Variants in SLIT3 observed in about 807,000 individuals in gnomAD.
SLIT3 encodes the protein slit guidance ligand 3.
SLIT3 carries 68 observed loss-of-function variants against 184.0 expected under a neutral mutation model. The ratio of observed to expected loss-of-function variants is 0.37; its 90% CI spans 0.30 to 0.45. SLIT3 has a LOEUF of 0.45. SLIT3 is among the 20% of genes least tolerant of loss of function. SLIT3 has a pLI of 1.00. For synonymous variants in SLIT3, 831 were observed against 828.6 expected, an observed-to-expected ratio of 1.00 and a Z score of -0.05; for missense variants, 1,707 against 2,026.0, an observed-to-expected ratio of 0.84 and a Z score of 3.02.
At chr5:169,185,244 G>A (rs79646008) in intron 4 of SLIT3, among the ~76,000 whole-genome samples, 1,711 of 152,302 alleles carry the variant, frequency 0.011, 42 homozygotes, top group East Asian at 0.1. Context: ...TCAGCGTTTG[G>A]GGGAACAAGG....
At chr5:168,981,661 T>TA (rs1334802372) in intron 4 of SLIT3, among the ~76,000 whole-genome samples, 1 of 152,190 alleles carries the variant, frequency 6.6e-6, no homozygotes, top group African/African-American at 2.4e-5. Flanking sequence ...CCCTTTACTA[T>TA]AATAACCATA....
At chr5:168,977,115 CATAAGAAATGAA>C (rs1482795566) in intron 4 of SLIT3, among the ~76,000 whole-genome samples, 1 of 152,108 alleles carries the variant, frequency 6.6e-6, no homozygotes, top group Non-Finnish European at 1.5e-5. Flanking sequence ...CTGGGAGATT[CATAAGAAATGAA>C]ATAACCTCAA....
At chr5:168,940,779 G>A (rs1762306363) in intron 4 of SLIT3, among the ~76,000 whole-genome samples, 3 of 152,298 alleles carry the variant, frequency 2.0e-5, no homozygotes, top group South Asian at 2.1e-4. Context: ...GTCATGAGAT[G>A]TATACCCTGA....
chr5:168,879,724 A>G (rs1759880217), intron 5 of SLIT3, among the ~76,000 whole-genome samples: 2 of 152,216 alleles, frequency 1.3e-5, no homozygotes, highest in African/African-American at 4.8e-5. Context: ...TTCCTCACAC[A>G]GAGAAGATGC....
intron 5 of SLIT3, among the ~76,000 whole-genome samples, chr5:168,845,537 ATG>A (rs1758429353): frequency 6.6e-6 from 1 of 152,174 alleles, no homozygotes; most frequent in East Asian, 1.9e-4. Context: ...CATGAAAATA[ATG>A]TCTCTTAAAA....
chr5:168,704,806 G>C (rs999322390), intron 26 of SLIT3, among the ~76,000 whole-genome samples: 1 of 152,176 alleles, frequency 6.6e-6, no homozygotes, highest in Non-Finnish European at 1.5e-5. Context: ...AGAGGTAAAT[G>C]CCTGAACTTT....
chr5:168,666,750 G>A (rs767805075), intron 35 of SLIT3, 61 bp from the exon 36 acceptor site: 1 of 1,611,314 alleles, frequency 6.2e-7, no homozygotes, highest in South Asian at 1.1e-5. Context: ...ACCATGAGCA[G>A]TTCCCAGGTA....
intron 4 of SLIT3, among the ~76,000 whole-genome samples, chr5:169,085,691 C>T (rs1293224862): frequency 6.6e-6 from 1 of 152,212 alleles, no homozygotes; most frequent in East Asian, 1.9e-4. Flanking sequence ...CTCAGCAAGA[C>T]AAATCGTCGT....
chr5:169,194,149 C>T (rs1041772854), intron 3 of SLIT3, among the ~76,000 whole-genome samples: 8 of 139,234 alleles, frequency 5.7e-5, no homozygotes, highest in South Asian at 2.3e-4. Context: ...GCAGGAGAAT[C>T]GCTTGAACCC....
rs574216680 is a variant in SLIT3 at position 168,751,196 on chromosome 5, G to A, written c.1974-1561C>T. On this transcript the variant is annotated intron_variant, in intron 18 of 35. Transcript: ENST00000519560. ...GGCAGGGCATGAGGGGCCAGATGAC[G>A]TGGGGCCGGCCTTTAGGCCCTCCTC... Among the ~76,000 whole-genome samples the A allele has an allele frequency of 7.9e-5, 12 of 152,280 alleles. 1 individual carries two copies. The South Asian group carries it at 1.9e-3, about 24-fold the overall frequency.
chr5:169,178,332 C>T (rs1021121615), intron 4 of SLIT3, among the ~76,000 whole-genome samples: 4 of 152,176 alleles, frequency 2.6e-5, no homozygotes, highest in Admixed American at 6.5e-5. Flanking sequence ...TTGTGAGTCC[C>T]CTACTGCTCC....
chr5:168,802,120 T>A, intron 9 of SLIT3, among the ~76,000 whole-genome samples: 1 of 146,220 alleles, frequency 6.8e-6, no homozygotes, highest in East Asian at 2.0e-4. Flanking sequence ...TGGGTGGCCA[T>A]GGACAAGGAG....
chr5:169,129,938 T>C (rs1434370120), intron 4 of SLIT3, among the ~76,000 whole-genome samples: 1 of 152,078 alleles, frequency 6.6e-6, no homozygotes, highest in Non-Finnish European at 1.5e-5. Flanking sequence ...AACCTCCACC[T>C]CCTGGGTTCG....
At chr5:169,145,602 T>C (rs1162774437) in intron 4 of SLIT3, among the ~76,000 whole-genome samples, 1 of 152,230 alleles carries the variant, frequency 6.6e-6, no homozygotes, top group African/African-American at 2.4e-5. Flanking sequence ...TGACCTCAGA[T>C]GGCTAAGAAA....
intron 4 of SLIT3, among the ~76,000 whole-genome samples, chr5:169,006,062 C>G (rs545072578): frequency 3.3e-5 from 5 of 152,190 alleles, no homozygotes; most frequent in African/African-American, 1.2e-4. Context: ...AGGCCCAGTT[C>G]CAGCCTTGCA....
chr5:169,225,145 G>A (rs765936564), intron 3 of SLIT3, among the ~76,000 whole-genome samples: 1 of 152,152 alleles, frequency 6.6e-6, no homozygotes, highest in Non-Finnish European at 1.5e-5. Context: ...CCCACTATGT[G>A]ACAAGTCTTG....
intron 6 of SLIT3, among the ~76,000 whole-genome samples, chr5:168,826,403 T>G (rs1757706068): frequency 1.3e-5 from 2 of 152,226 alleles, no homozygotes; most frequent in Non-Finnish European, 2.9e-5. Context: ...TTTCCAGTCT[T>G]GGCAGCTTTT....
chr5:168,843,476 G>A (rs894771418), intron 6 of SLIT3, among the ~76,000 whole-genome samples: 1 of 152,154 alleles, frequency 6.6e-6, no homozygotes, highest in Non-Finnish European at 1.5e-5. Flanking sequence ...TCAGTCACTG[G>A]CTAGAATCGT....
intron 4 of SLIT3, among the ~76,000 whole-genome samples, chr5:169,045,576 GTGAA>G (rs1380775857): frequency 6.6e-6 from 1 of 152,192 alleles, no homozygotes; most frequent in South Asian, 2.1e-4. Flanking sequence ...GAAAGAAGGA[GTGAA>G]TGAATATGTG....
Sources: gnomAD v4.1 joint callset for allele counts (sites outside exome capture counted in the v4.1 genomes callset) on GRCh38, gnomAD v4.1.1 for gene constraint, MANE v1.5 for transcripts, NCBI Gene and HGNC (gene_info 2026-07-23, HGNC 2026-07-21) for gene names.